Variants in SHANK2 observed in about 807,000 individuals in gnomAD.
SHANK2 encodes SH3 and multiple ankyrin repeat domains protein 2.
Under a neutral mutation model 133.7 loss-of-function variants are expected in SHANK2, and 43 were observed. That is an observed-to-expected ratio of 0.32 (90% CI 0.25 to 0.41). SHANK2 has a LOEUF of 0.41. Ranked by LOEUF, SHANK2 falls within the 10% of genes least tolerant of loss-of-function variation. The pLI, the probability that SHANK2 is intolerant of heterozygous loss-of-function variation, is 1.00. For missense variants in SHANK2, 1,994 were observed against 2,235.8 expected, an observed-to-expected ratio of 0.89 and a Z score of 2.18; for synonymous variants, 1,017 against 952.8, an observed-to-expected ratio of 1.07 and a Z score of -1.24.
At chr11:70,548,321 C>T (rs1340202155) in intron 17 of SHANK2, among the ~76,000 whole-genome samples, 4 of 152,258 alleles carry the variant, frequency 2.6e-5, no homozygotes, top group South Asian at 2.1e-4. Flanking sequence ...CTCTAACAAT[C>T]GATGGATGGC....
chr11:70,781,170 C>A (rs1565311425), intron 14 of SHANK2, among the ~76,000 whole-genome samples: 1 of 151,366 alleles, frequency 6.6e-6, no homozygotes, highest in African/African-American at 2.4e-5. Flanking sequence ...TGCCGTGAGA[C>A]CCCGGACCGG....
intron 14 of SHANK2, among the ~76,000 whole-genome samples, chr11:70,769,828 G>GGT (rs59744438): frequency 4.6e-5 from 7 of 152,028 alleles, no homozygotes; most frequent in South Asian, 4.1e-4. Flanking sequence ...CACGTGTGTA[G>GGT]GTGTGTGTGT....
At chr11:70,900,570 CG>C (rs2135680104) in intron 10 of SHANK2, among the ~76,000 whole-genome samples, 1 of 152,244 alleles carries the variant, frequency 6.6e-6, no homozygotes, top group Non-Finnish European at 1.5e-5. Context: ...CTAGTGATTC[CG>C]GGATTCTCCT....
At chr11:70,666,362 A>T (rs975474530) in intron 15 of SHANK2, among the ~76,000 whole-genome samples, 3 of 152,210 alleles carry the variant, frequency 2.0e-5, no homozygotes, top group African/African-American at 7.2e-5. Context: ...GGAACTTGGC[A>T]GCACCCCCCA....
chr11:71,199,211 A>G (rs1953971696), intron 2 of SHANK2, among the ~76,000 whole-genome samples: 1 of 152,212 alleles, frequency 6.6e-6, no homozygotes, highest in South Asian at 2.1e-4. Context: ...AAGTCACCAG[A>G]CCTCTCTGAA....
intron 2 of SHANK2, among the ~76,000 whole-genome samples, chr11:71,156,979 T>C (rs1168247794): frequency 6.6e-6 from 1 of 152,210 alleles, no homozygotes; most frequent in Non-Finnish European, 1.5e-5. Flanking sequence ...TATTATCGCC[T>C]GAAAGAGGGA....
At position 70,471,055 on chromosome 11, in the gene SHANK2, A is replaced by G; in HGVS notation, c.*1814T>C. ...ATAATTATTCCACAGAAATAGTATTATTAAATCACAAAAGTTTTTTTTTCT... is the reference window on the plus strand; with the variant it reads ...ATAATTATTCCACAGAAATAGTATTGTTAAATCACAAAAGTTTTTTTTTCT... On this transcript the variant is annotated 3_prime_UTR_variant, in exon 26 of 26. Transcript: ENST00000601538. This position sits in a 1 kb window ranked among gnomAD's most constrained non-coding sequence, Gnocchi z 4.1. The G allele has an allele frequency of 2.6e-6, 1 of 378,602 alleles. No individual in the cohort carries two copies. The highest frequency in any genetic ancestry group is 3.7e-5 in the East Asian group (1 of 26,778). The allele number at this position is 378,602 out of a possible 1,614,324, so 23.5% of individuals were successfully genotyped here. A position where few individuals can be genotyped will look rare whatever the true frequency, so the allele number is the denominator to read the frequency against.
intron 2 of SHANK2, among the ~76,000 whole-genome samples, chr11:71,221,534 C>G (rs2135730606): frequency 6.6e-6 from 1 of 152,304 alleles, no homozygotes; most frequent in South Asian, 2.1e-4. Flanking sequence ...CCTGATTACA[C>G]CCACAAGTGG....
At chr11:71,126,579 T>G (rs1345809688) in intron 3 of SHANK2, among the ~76,000 whole-genome samples, 12 of 152,184 alleles carry the variant, frequency 7.9e-5, no homozygotes, top group Non-Finnish European at 1.3e-4. Context: ...ATTCCTCAGA[T>G]GGAGCTGGGC....
At chr11:70,927,382 T>G (rs563594707) in intron 10 of SHANK2, among the ~76,000 whole-genome samples, 108 of 152,232 alleles carry the variant, frequency 7.1e-4, no homozygotes, top group Non-Finnish European at 1.3e-3. Context: ...TTTCACTGCC[T>G]GGTGTGACGG....
chr11:70,690,497 T>G (rs1945260653), intron 15 of SHANK2, among the ~76,000 whole-genome samples: 1 of 114,900 alleles, frequency 8.7e-6, no homozygotes, highest in East Asian at 2.5e-4. Flanking sequence ...TGTTTTTTTT[T>G]TTTTTTTTTT....
intron 17 of SHANK2, among the ~76,000 whole-genome samples, chr11:70,636,647 G>T (rs880003699): frequency 1.3e-5 from 2 of 152,008 alleles, no homozygotes; most frequent in Non-Finnish European, 2.9e-5. Flanking sequence ...AAATGTGTGA[G>T]CATATGAATA....
chr11:70,663,476 G>A (rs370493921), intron 15 of SHANK2, among the ~76,000 whole-genome samples: 2 of 152,168 alleles, frequency 1.3e-5, no homozygotes, highest in Non-Finnish European at 2.9e-5. Flanking sequence ...TAGGGAACGC[G>A]TGCTCTTCTC....
chr11:71,199,236 A>G (rs565520162), intron 2 of SHANK2, among the ~76,000 whole-genome samples: 1 of 152,306 alleles, frequency 6.6e-6, no homozygotes, highest in African/African-American at 2.4e-5. Context: ...AGCCCCTCCA[A>G]CTGTAAAATG....
intron 9 of SHANK2, among the ~76,000 whole-genome samples, chr11:71,068,870 T>TCAC (rs1951103677): frequency 6.6e-6 from 1 of 151,596 alleles, no homozygotes; most frequent in African/African-American, 2.4e-5. Flanking sequence ...GTCATCACCA[T>TCAC]CATCATGATT....
At chr11:70,801,344 A>G (rs1480328180) in intron 13 of SHANK2, among the ~76,000 whole-genome samples, 3 of 152,186 alleles carry the variant, frequency 2.0e-5, no homozygotes, top group African/African-American at 7.2e-5. Flanking sequence ...CCTTCATGTC[A>G]GGGGCGTAAA....
chr11:70,865,814 T>C (rs920775508), intron 11 of SHANK2, among the ~76,000 whole-genome samples: 6 of 152,178 alleles, frequency 3.9e-5, no homozygotes, highest in African/African-American at 1.4e-4. Flanking sequence ...ACTCACTAAT[T>C]CCTTCACTCA....
At chr11:70,955,545 C>G (rs1308371177) in intron 10 of SHANK2, among the ~76,000 whole-genome samples, 9 of 151,586 alleles carry the variant, frequency 5.9e-5, no homozygotes, top group African/African-American at 2.2e-4. Context: ...TATGTGTGTA[C>G]TTTACGTGTG....
chr11:70,954,204 T>A (rs981682591), intron 10 of SHANK2, among the ~76,000 whole-genome samples: 1 of 152,192 alleles, frequency 6.6e-6, no homozygotes, highest in South Asian at 2.1e-4. Flanking sequence ...TTGGGGCTCA[T>A]TTAACAAGGA....
Sources: allele counts gnomAD v4.1 joint callset (sites outside exome capture counted in the v4.1 genomes callset), GRCh38; gene constraint gnomAD v4.1.1; non-coding constraint Gnocchi (gnomAD v3.1); transcripts MANE v1.5; gene names NCBI Gene and HGNC (gene_info 2026-07-23, HGNC 2026-07-21).